The following CELF4 variants were observed in gnomAD, a reference collection of about 807,000 sequenced individuals.
CELF4 encodes CUGBP Elav-like family member 4, also known as CUG-BP- and ETR-3-like factor 4.
Under a neutral mutation model 59.9 loss-of-function variants are expected in CELF4, and 18 were observed. The observed-to-expected ratio is 0.30, with a 90% CI of 0.21 to 0.45. The LOEUF is 0.45. Among genes scored for constraint, CELF4 ranks in the 20% least tolerant of loss-of-function variants. CELF4 has a pLI of 1.00. For missense variants in CELF4, 456 were observed against 689.0 expected, an observed-to-expected ratio of 0.66 and a Z score of 3.79; for synonymous variants, 261 against 267.1, an observed-to-expected ratio of 0.98 and a Z score of 0.22.
At chr18:37,486,758 C>T (rs1294531751) in intron 1 of CELF4, among the ~76,000 whole-genome samples, 1 of 152,248 alleles carries the variant, frequency 6.6e-6, no homozygotes, top group Non-Finnish European at 1.5e-5. Flanking sequence ...TCCTCTCTCT[C>T]TCACGTGATC....
chr18:37,531,393 T>A (rs1178276266), intron 1 of CELF4, among the ~76,000 whole-genome samples: 1 of 152,056 alleles, frequency 6.6e-6, no homozygotes. Flanking sequence ...ATGCTTCACA[T>A]AGCCTAATGG....
intron 2 of CELF4, among the ~76,000 whole-genome samples, chr18:37,413,244 G>A (rs1348785122): frequency 1.3e-5 from 2 of 152,204 alleles, no homozygotes; most frequent in Admixed American, 1.3e-4. Flanking sequence ...GTGTGTCTGC[G>A]TGTGTTCACG....
chr18:37,287,503 TAGCCCCTGAGGGCTTTGCA>T, intron 3 of CELF4, among the ~76,000 whole-genome samples: 1 of 152,298 alleles, frequency 6.6e-6, no homozygotes, highest in East Asian at 1.9e-4. Context: ...GCACGCGGCT[TAGCCCCTGAGGGCTTTGCA>T]AGCCCCCTCT....
intron 2 of CELF4, among the ~76,000 whole-genome samples, chr18:37,371,771 T>A (rs933082725): frequency 1.3e-5 from 2 of 152,118 alleles, no homozygotes; most frequent in Non-Finnish European, 2.9e-5. Context: ...GGGGCAGTCA[T>A]TAAGCAGTGC....
intron 3 of CELF4, among the ~76,000 whole-genome samples, chr18:37,279,327 C>T (rs927323656): frequency 3.3e-5 from 5 of 151,774 alleles, no homozygotes; most frequent in African/African-American, 4.8e-5. Context: ...TTGCTGAGAC[C>T]CCCTGGGGGC....
chr18:37,459,457 C>T (rs1284646066), intron 2 of CELF4, among the ~76,000 whole-genome samples: 1 of 152,210 alleles, frequency 6.6e-6, no homozygotes, highest in Non-Finnish European at 1.5e-5. Flanking sequence ...TTATGTCCTT[C>T]CATCTACTCA....
rs141210111 is a variant in CELF4 at position 37,540,774 on chromosome 18, C to T, written c.286+24582G>A. Among the ~76,000 whole-genome samples, 863 of 152,292 alleles carry T rather than the reference C, an allele frequency of 5.7e-3. 10 individuals carry two copies. Among genetic ancestry groups the T allele is most frequent in the African/African-American group, 0.02 (822 of 41,552 alleles). On this transcript the variant is annotated intron_variant, in intron 1 of 12. Coordinates refer to ENST00000420428, the MANE Select transcript of CELF4 (RefSeq NM_020180.4). ...AGGGCTGGAGGGAATGAAGCTACAG[C>T]ATGAGGGATTTAGGTGGGAGCATGG...
At chr18:37,307,946 G>C (rs972101713) in intron 3 of CELF4, among the ~76,000 whole-genome samples, 1 of 152,188 alleles carries the variant, frequency 6.6e-6, no homozygotes, top group Admixed American at 6.5e-5. Context: ...GGAAGGGTCA[G>C]AGATGACTTT....
intron 2 of CELF4, among the ~76,000 whole-genome samples, chr18:37,331,745 G>A (rs2097549095): frequency 6.6e-6 from 1 of 151,276 alleles, no homozygotes; most frequent in Non-Finnish European, 1.5e-5. Flanking sequence ...TGGGCAGGGT[G>A]TGGATGGGGT....
At chr18:37,423,375 T>C (rs1303503808) in intron 2 of CELF4, among the ~76,000 whole-genome samples, 3 of 152,032 alleles carry the variant, frequency 2.0e-5, no homozygotes, top group Non-Finnish European at 4.4e-5. Flanking sequence ...GGCTTTCACA[T>C]GGAAAGGAGT....
chr18:37,562,877 G>A (rs556692408), intron 1 of CELF4, among the ~76,000 whole-genome samples: 1 of 152,258 alleles, frequency 6.6e-6, no homozygotes, highest in African/African-American at 2.4e-5. Flanking sequence ...TGGAGAGGTA[G>A]GAAGTTTCAC....
At chr18:37,374,103 C>T (rs923647803) in intron 2 of CELF4, among the ~76,000 whole-genome samples, 6 of 152,216 alleles carry the variant, frequency 3.9e-5, no homozygotes, top group African/African-American at 1.4e-4. Flanking sequence ...TACCCCACCG[C>T]CCAGCCACTG....
chr18:37,396,734 TAGG>T, intron 2 of CELF4, among the ~76,000 whole-genome samples: 1 of 152,234 alleles, frequency 6.6e-6, no homozygotes, highest in East Asian at 1.9e-4. Flanking sequence ...CAGTCTGGGA[TAGG>T]AGATTTGGAT....
intron 2 of CELF4, among the ~76,000 whole-genome samples, chr18:37,382,135 G>GACT (rs933477514): frequency 1.3e-5 from 2 of 152,208 alleles, no homozygotes; most frequent in East Asian, 3.9e-4. Context: ...TGCTGGCACT[G>GACT]ACTGTTCTAA....
rs556560054 is a variant in CELF4, at chr18:37,397,068, G to A, written c.370-75187C>T. On this transcript the variant is annotated intron_variant, in intron 2 of 12. Coordinates refer to ENST00000420428, the MANE Select transcript of CELF4 (RefSeq NM_020180.4). ...TCCAGAGCCCAGGGGGGAGGTGAGC[G>A]GATGGCGGCTCAGCCCATGTCACTG... 1.7e-4 allele frequency among the ~76,000 whole-genome samples: 26 copies of A among 152,174 alleles called. No individual in the cohort carries two copies. The East Asian group carries it at 2.3e-3, about 14-fold the overall frequency.
intron 3 of CELF4, among the ~76,000 whole-genome samples, chr18:37,299,166 G>A (rs1454682290): frequency 2.0e-5 from 3 of 152,202 alleles, no homozygotes; most frequent in Admixed American, 6.5e-5. Context: ...CTCAGTCACC[G>A]CACCATGGGG....
At chr18:37,273,424 G>A (rs2092252139) in intron 6 of CELF4, 1 of 1,212,940 alleles carries the variant, frequency 8.2e-7, no homozygotes, top group Non-Finnish European at 1.0e-6. Flanking sequence ...GGGCAGAGGA[G>A]GAGACTGGCT....
chr18:37,301,949 C>T (rs539867171), intron 3 of CELF4, among the ~76,000 whole-genome samples: 17 of 152,306 alleles, frequency 1.1e-4, no homozygotes, highest in Admixed American at 7.8e-4. Flanking sequence ...GGCCTCACCA[C>T]CACTGTCCAG....
chr18:37,395,455 C>T (rs2099232252), intron 2 of CELF4, among the ~76,000 whole-genome samples: 1 of 152,182 alleles, frequency 6.6e-6, no homozygotes, highest in Non-Finnish European at 1.5e-5. Context: ...ACACTTCATG[C>T]ATAGCAGGTG....
Sources: gnomAD v4.1 joint callset for allele counts (sites outside exome capture counted in the v4.1 genomes callset) on GRCh38, gnomAD v4.1.1 for gene constraint, MANE v1.5 for transcripts, NCBI Gene and HGNC (gene_info 2026-07-23, HGNC 2026-07-21) for gene names.